The following PBX1 variants were observed in gnomAD, a reference collection of about 807,000 sequenced individuals.
PBX1 encodes PBX homeobox 1.
PBX1 carries 6 observed loss-of-function variants against 53.4 expected under a neutral mutation model. That is an observed-to-expected ratio of 0.11 (90% CI 0.06 to 0.22). The LOEUF (loss-of-function observed/expected upper bound fraction) is 0.22, where lower values mean the gene tolerates loss of function less well. PBX1 is among the 10% of genes least tolerant of loss of function. The probability of loss-of-function intolerance (pLI) is 1.00; values close to 1 mark genes in which losing one functional copy is unlikely to be tolerated. For synonymous variants in PBX1, 204 were observed against 212.3 expected, an observed-to-expected ratio of 0.96 and a Z score of 0.34; for missense variants, 251 against 551.4, an observed-to-expected ratio of 0.46 and a Z score of 5.46.
chr1:164,664,232 G>C (rs1660676997), intron 2 of PBX1, among the ~76,000 whole-genome samples: 1 of 152,184 alleles, frequency 6.6e-6, no homozygotes, highest in African/African-American at 2.4e-5. Context: ...ATTATGATCT[G>C]ACATTAACCA....
At chr1:164,570,365 C>CA (rs1285482336) in intron 2 of PBX1, among the ~76,000 whole-genome samples, 65 of 152,124 alleles carry the variant, frequency 4.3e-4, no homozygotes. Context: ...CCTTGTCCCC[C>CA]ACCCCCTGAC....
At chr1:164,590,092 A>G (rs929535743) in intron 2 of PBX1, among the ~76,000 whole-genome samples, 1 of 151,928 alleles carries the variant, frequency 6.6e-6, no homozygotes, top group Non-Finnish European at 1.5e-5. Context: ...ACATGCCTCT[A>G]GTCCCAGCTA....
chr1:164,563,698 G>T (rs1653222652), intron 2 of PBX1, among the ~76,000 whole-genome samples: 1 of 152,058 alleles, frequency 6.6e-6, no homozygotes, highest in African/African-American at 2.4e-5. Context: ...TTGGGTGTGG[G>T]GGTGCTAAAC....
At chr1:164,608,490 G>A (rs1361631187) in intron 2 of PBX1, among the ~76,000 whole-genome samples, 1 of 152,160 alleles carries the variant, frequency 6.6e-6, no homozygotes, top group African/African-American at 2.4e-5. Context: ...TTCCACTTTT[G>A]TAAGTATTTA....
In PBX1 at chr1:164,560,369, A is replaced by C. The variant is rs1652948659; in HGVS notation, c.191+356A>C. On this transcript the variant is annotated intron_variant, in intron 1 of 8. Coordinates refer to ENST00000420696, the MANE Select transcript of PBX1 (RefSeq NM_002585.4). ...TTTAAAAAAGTATCAGAGAAAGCAG[A>C]ATTGTCAAGTTTTGAACAGCATTCC... 3 of 396,836 alleles carry C rather than the reference A, an allele frequency of 7.6e-6. No homozygotes were observed. The Admixed American group carries it at 1.3e-4, about 17-fold the overall frequency. The allele number at this position is 396,836 out of a possible 1,614,324, so 24.6% of individuals were successfully genotyped here.
chr1:164,677,126 C>T (rs1355805735), intron 2 of PBX1, among the ~76,000 whole-genome samples: 1 of 150,564 alleles, frequency 6.6e-6, no homozygotes, highest in East Asian at 2.0e-4. Context: ...CGCTCTGTCG[C>T]CCAGGCCGGA....
At chr1:164,771,061 A>T (rs1308470793) in intron 2 of PBX1, 1 of 151,846 alleles carries the variant, frequency 6.6e-6, no homozygotes. Flanking sequence ...CTCCCTAAAA[A>T]CCTTGAAGAT....
rs143391853 is a variant in PBX1, at chr1:164,629,230, G to GA, written c.265+65929dup. 1.3e-4 allele frequency among the ~76,000 whole-genome samples: 19 copies of GA among 148,062 alleles called. 1 individual carries two copies. Among genetic ancestry groups the GA allele is most frequent in the East Asian group, 5.9e-4 (3 of 5,106 alleles). ...AAGCTGATACTCATGATCTAAAATT[G>GA]AAAAAAAAAATGTTAGTGTTAAGCA... On this transcript the variant is annotated intron_variant, in intron 2 of 8. Coordinates refer to ENST00000420696, the MANE Select transcript of PBX1 (RefSeq NM_002585.4).
intron 2 of PBX1, among the ~76,000 whole-genome samples, chr1:164,872,797 T>C (rs1227599131): frequency 1.3e-5 from 2 of 152,204 alleles, no homozygotes; most frequent in Non-Finnish European, 2.9e-5. Flanking sequence ...TCAGATCTAA[T>C]TGCAATACTT....
downstream of PBX1, among the ~76,000 whole-genome samples, chr1:164,853,594 G>A: frequency 6.6e-6 from 1 of 152,170 alleles, no homozygotes; most frequent in East Asian, 1.9e-4. Context: ...AGAAATGTAA[G>A]AATGTGAGAG....
Position 164,627,410 on chromosome 1 carries a change from A to G in PBX1, c.265+64099A>G, listed in dbSNP as rs573070057. ...TGTGTGGCCGGCAATTGCTTGGCCTAATCATTGTGTCACCTGAAGCCTATG... is the reference window on the plus strand; with the variant it reads ...TGTGTGGCCGGCAATTGCTTGGCCTGATCATTGTGTCACCTGAAGCCTATG... On this transcript the variant is annotated intron_variant, in intron 2 of 8. Transcript: ENST00000420696. Among the ~76,000 whole-genome samples the G allele has an allele frequency of 1.3e-3, 198 of 152,220 alleles. 2 individuals carry two copies. Among genetic ancestry groups the G allele is most frequent in the African/African-American group, 4.7e-3 (194 of 41,542 alleles).
chr1:164,629,532 CTG>C (rs2101875245), intron 2 of PBX1, among the ~76,000 whole-genome samples: 1 of 152,330 alleles, frequency 6.6e-6, no homozygotes, highest in East Asian at 1.9e-4. Context: ...CTTAGGGAAA[CTG>C]AGACCCAAAG....
chr1:164,784,228 C>T (rs148035571), intron 2 of PBX1, among the ~76,000 whole-genome samples: 3 of 152,316 alleles, frequency 2.0e-5, no homozygotes, highest in African/African-American at 7.2e-5. Flanking sequence ...GTCATGCCCT[C>T]CTACCAACTT....
intron 2 of PBX1, among the ~76,000 whole-genome samples, chr1:164,652,626 A>G (rs1320947310): frequency 1.3e-5 from 2 of 152,146 alleles, no homozygotes; most frequent in Non-Finnish European, 2.9e-5. Flanking sequence ...ATACCACTAA[A>G]CTTCCTAGAT....
intron 2 of PBX1, among the ~76,000 whole-genome samples, chr1:164,868,407 G>T (rs751586692): frequency 6.6e-6 from 1 of 152,180 alleles, no homozygotes; most frequent in Non-Finnish European, 1.5e-5. Flanking sequence ...CCTGCTCTGC[G>T]TTGGTGTTTG....
chr1:164,624,303 G>A (rs1023455449), intron 2 of PBX1, among the ~76,000 whole-genome samples: 1 of 152,270 alleles, frequency 6.6e-6, no homozygotes, highest in South Asian at 2.1e-4. Flanking sequence ...GTTTTATTGT[G>A]TTATAAACCA....
At chr1:164,836,823 G>A (rs1312151527) in intron 8 of PBX1, among the ~76,000 whole-genome samples, 3 of 152,166 alleles carry the variant, frequency 2.0e-5, no homozygotes, top group Non-Finnish European at 4.4e-5. Context: ...GAAGATAAGG[G>A]TTTTGAAAGT....
chr1:164,720,224 T>C (rs776865545), intron 2 of PBX1, among the ~76,000 whole-genome samples: 1 of 152,172 alleles, frequency 6.6e-6, no homozygotes, highest in Non-Finnish European at 1.5e-5. Context: ...AATCCTTCCT[T>C]CATTGTTCTG....
intron 1 of PBX1, chr1:164,560,401 T>G: frequency 5.1e-6 from 2 of 394,116 alleles, no homozygotes; most frequent in Non-Finnish European, 8.9e-6. Context: ...TTCCATGCCT[T>G]CTTGTTGAGG....
Sources: allele counts gnomAD v4.1 joint callset (sites outside exome capture counted in the v4.1 genomes callset), GRCh38; gene constraint gnomAD v4.1.1; transcripts MANE v1.5; gene names NCBI Gene and HGNC (gene_info 2026-07-23, HGNC 2026-07-21).